The following VPS72 variants were observed in gnomAD, a reference collection of about 807,000 sequenced individuals.
The protein encoded by VPS72 is vacuolar protein sorting-associated protein 72 homolog.
VPS72 carries 27 observed loss-of-function variants against 38.9 expected under a neutral mutation model. The ratio of observed to expected loss-of-function variants is 0.69; its 90% confidence interval spans 0.51 to 0.96. VPS72 has a LOEUF of 0.96. VPS72 is among the 40% of genes least tolerant of loss of function. The pLI, the probability that VPS72 is intolerant of heterozygous loss-of-function variation, is 0.00. For missense variants in VPS72, 360 were observed against 479.5 expected (o/e 0.75, Z 2.33); for synonymous variants, 173 against 186.3 (o/e 0.93, Z 0.58).
intron 4 of VPS72, 112 bp from the exon 5 acceptor site, chr1:151,178,257 A>G (rs1572090466): frequency 7.3e-7 from 1 of 1,370,484 alleles, no homozygotes; most frequent in Non-Finnish European, 9.7e-7. Flanking sequence ...GTCACTGCCA[A>G]CTACCAGAGA....
chr1:151,183,401 G>T (rs1319433464), intron 4 of VPS72, among the ~76,000 whole-genome samples: 1 of 114,776 alleles, frequency 8.7e-6, no homozygotes, highest in Non-Finnish European at 1.7e-5. Flanking sequence ...CAGCCTGGGC[G>T]ACAGAGTAAG....
In VPS72 at chr1:151,185,864, T is replaced by A; in HGVS notation, c.204A>T (p.Glu68Asp). 2 of 1,614,122 alleles carry A rather than the reference T, an allele frequency of 1.2e-6. No homozygotes were observed. The highest frequency in any genetic ancestry group is 1.7e-6 in the Non-Finnish European group (2 of 1,180,018). ...DSDFDIDEGD[E>D]PSSDGEAEEP... is the part of the protein sequence containing the mutation. ...CTTCTGCTTCTCCATCACTGGATGG[T>A]TCATCCCCTTCATCAATGTCAAAGT... Residue 68 changes from glutamate to aspartate, a missense_variant, in exon 2 of 6, where the codon GAA becomes GAT. Glu to Asp is a conservative substitution (Grantham distance 45). This residue lies in a region of VPS72 where 66 missense variants were observed against 123.1 expected (regional missense o/e 0.54). Transcript: ENST00000368892.
chr1:151,188,843 G>C (rs947138359), intron 1 of VPS72, among the ~76,000 whole-genome samples: 1 of 151,956 alleles, frequency 6.6e-6, no homozygotes, highest in Non-Finnish European at 1.5e-5. Flanking sequence ...TTTTTTGTTT[G>C]TTTTTGAGAC....
chr1:151,179,994 G>A (rs1424821586), intron 4 of VPS72, among the ~76,000 whole-genome samples: 2 of 151,868 alleles, frequency 1.3e-5, no homozygotes, highest in South Asian at 2.1e-4. Context: ...TGGTTATGAT[G>A]AACACAATTC....
At position 151,190,174 on chromosome 1, in the gene VPS72, G is replaced by T; in HGVS notation, c.-53C>A. ...TGCAGCCCCTCACCAGCTCGGTTTTGGGAGCTCGACGCTCGACATCACTAC... is the reference window on the plus strand; with the variant it reads ...TGCAGCCCCTCACCAGCTCGGTTTTTGGAGCTCGACGCTCGACATCACTAC... On this transcript the variant is annotated 5_prime_UTR_variant, in exon 1 of 6. Transcript: ENST00000368892. 1 of 1,595,060 alleles carries T rather than the reference G, an allele frequency of 6.3e-7. No individual in the cohort carries two copies. Among genetic ancestry groups the T allele is most frequent in the South Asian group, 1.1e-5 (1 of 90,796 alleles).
chr1:151,182,266 T>G (rs587751577), intron 4 of VPS72, among the ~76,000 whole-genome samples: 1 of 152,114 alleles, frequency 6.6e-6, no homozygotes, highest in South Asian at 2.1e-4. Context: ...TGACCTCAGA[T>G]GATCCACCCG....
At chr1:151,189,509 AG>A (rs1684417239) in intron 1 of VPS72, among the ~76,000 whole-genome samples, 1 of 152,228 alleles carries the variant, frequency 6.6e-6, no homozygotes, top group African/African-American at 2.4e-5. Flanking sequence ...AGGATAGTCA[AG>A]GAAGGGTTAT....
intron 5 of VPS72, 102 bp downstream of exon 5, chr1:151,177,899 T>C (rs1257343223): frequency 3.8e-6 from 5 of 1,316,820 alleles, no homozygotes; most frequent in Non-Finnish European, 5.2e-6. Flanking sequence ...CTGAAAGAAA[T>C]CTCCAAGTGT....
intron 1 of VPS72, among the ~76,000 whole-genome samples, chr1:151,187,917 G>A (rs587648313): frequency 4.6e-5 from 7 of 152,234 alleles, no homozygotes; most frequent in African/African-American, 1.7e-4. Flanking sequence ...GAAGCATGAA[G>A]GGTACATATT....
intron 1 of VPS72, 80 bp downstream of exon 1, chr1:151,189,925 T>C: frequency 6.7e-7 from 1 of 1,491,666 alleles, no homozygotes; most frequent in East Asian, 2.3e-5. Flanking sequence ...TTCCCCGCCC[T>C]CTTCTTCTTT....
chr1:151,176,572 C>G lies in VPS72; in HGVS notation c.*72G>C, dbSNP rs1317111059. On this transcript the variant is annotated 3_prime_UTR_variant, in exon 6 of 6. Transcript: ENST00000368892. ...GATCAGAGATGACAAAGGGGAGAAG[C>G]AGGGAGAAGAAACGGAACAGCAAGA... is the stretch of plus-strand genomic sequence containing the variant. 1.3e-6 allele frequency: 2 copies of G among 1,551,460 alleles called. No individual in the cohort carries two copies. Among genetic ancestry groups the G allele is most frequent in the African/African-American group, 1.4e-5 (1 of 72,916 alleles).
chr1:151,187,058 C>T (rs1465370329), intron 1 of VPS72, among the ~76,000 whole-genome samples: 1 of 152,052 alleles, frequency 6.6e-6, no homozygotes, highest in Non-Finnish European at 1.5e-5. Context: ...AATGGAGGGC[C>T]ACTGAAGATT....
intron 1 of VPS72, among the ~76,000 whole-genome samples, chr1:151,188,661 C>T (rs2101731168): frequency 6.6e-6 from 1 of 152,336 alleles, no homozygotes; most frequent in East Asian, 1.9e-4. Context: ...GCCCATCCTG[C>T]TCTGTGGACT....
At position 151,177,197 on chromosome 1, in the gene VPS72, T is replaced by C. The variant is rs1461940607; in HGVS notation, c.708-166A>G. ...GTCAGGAGTTCGAGACCAGCCTGAC[T>C]AACAAGGTGAAACCCTGTCTCTACT... On this transcript the variant is annotated intron_variant, in intron 5 of 5. Transcript: ENST00000368892. 4.7e-5 allele frequency: 31 copies of C among 660,102 alleles called. No homozygotes were observed. In the East Asian group the frequency reaches 8.6e-4, roughly 18 times the overall value. 40.9% of individuals were successfully genotyped at this position (660,102 alleles called of 1,614,324 possible).
intron 4 of VPS72, among the ~76,000 whole-genome samples, chr1:151,183,753 C>A (rs1003913305): frequency 2.6e-5 from 4 of 152,046 alleles, no homozygotes; most frequent in African/African-American, 9.7e-5. Flanking sequence ...TGAGCCACTG[C>A]GCTTGGCCCA....
chr1:151,176,805 T>G lies in VPS72; in HGVS notation c.934A>C (p.Thr312Pro). ...CGAATGATCTTGAAGGCTCGAGCAG[T>G]GGCATAGGGTATGTCTGTAACAGGG... is the stretch of plus-strand genomic sequence containing the variant. ...RDPVTDIPYA[T>P]ARAFKIIREA... Residue 312 changes from threonine (T) to proline (P), a missense_variant, in exon 6 of 6, where the codon ACT becomes CCT. Coordinates refer to ENST00000368892, the MANE Select transcript of VPS72 (RefSeq NM_005997.3). The G allele has an allele frequency of 4.3e-6, 7 of 1,614,090 alleles. No individual in the cohort carries two copies. The highest frequency in any genetic ancestry group is 5.9e-6 in the Non-Finnish European group (7 of 1,180,016).
At chr1:151,184,572 T>A in intron 3 of VPS72, 79 bp from the exon 4 acceptor site, 1 of 1,407,838 alleles carries the variant, frequency 7.1e-7, no homozygotes, top group Non-Finnish European at 9.4e-7. Flanking sequence ...ATGTTGTACT[T>A]GGAAATAATT....
At chr1:151,185,396 G>A in intron 3 of VPS72, 110 bp downstream of exon 3, 1 of 1,076,130 alleles carries the variant, frequency 9.3e-7, no homozygotes, top group Non-Finnish European at 1.4e-6. Context: ...AAAGTGCTGG[G>A]ATTCTAGGAG....
chr1:151,177,791 C>T (rs781708699), intron 5 of VPS72, among the ~76,000 whole-genome samples: 1 of 150,466 alleles, frequency 6.6e-6, no homozygotes, highest in African/African-American at 2.5e-5. Flanking sequence ...TGCAGTGAGC[C>T]GAGACTGCAC....
Sources: allele counts gnomAD v4.1 joint callset (sites outside exome capture counted in the v4.1 genomes callset), GRCh38; gene constraint gnomAD v4.1.1; regional missense constraint gnomAD v4.1.1; transcripts MANE v1.5; gene names NCBI Gene and HGNC (gene_info 2026-07-23, HGNC 2026-07-21).